DTWD2: variants seen among roughly 807,000 people sequenced by gnomAD.
DTWD2 encodes the protein DTW motif tRNA-uridine aminocarboxypropyltransferase 2.
In DTWD2, 39 loss-of-function variants were observed where a neutral mutation model predicts 31.8. The ratio of observed to expected loss-of-function variants is 1.22; its 90% CI spans 0.95 to 1.60. The LOEUF (loss-of-function observed/expected upper bound fraction) is 1.60. Ranked by LOEUF, DTWD2 falls within the 40% of genes most tolerant of loss-of-function variation. The probability of loss-of-function intolerance (pLI) is 0.00; values close to 1 mark genes in which losing one functional copy is unlikely to be tolerated. For synonymous variants in DTWD2, 180 were observed against 142.8 expected (o/e 1.26, Z -1.86); for missense variants, 515 against 381.5 (o/e 1.35, Z -2.92).
chr5:118,985,176 C>T (rs892424024), intron 1 of DTWD2, among the ~76,000 whole-genome samples: 2 of 152,062 alleles, frequency 1.3e-5, no homozygotes, highest in Non-Finnish European at 1.5e-5. Flanking sequence ...ATATTCTATA[C>T]ACTAAACTCT....
chr5:118,961,653 T>G (rs1208083928), intron 1 of DTWD2, among the ~76,000 whole-genome samples: 1 of 152,184 alleles, frequency 6.6e-6, no homozygotes, highest in Non-Finnish European at 1.5e-5. Flanking sequence ...TAAGCAGGAA[T>G]CAAAGATTAA....
At chr5:118,983,790 C>T (rs1331788138) in intron 1 of DTWD2, among the ~76,000 whole-genome samples, 1 of 152,188 alleles carries the variant, frequency 6.6e-6, no homozygotes, top group Admixed American at 6.5e-5. Flanking sequence ...GCTAGGGAAC[C>T]AAGTGGACTG....
chr5:118,844,862 A>G (rs1355370724), intron 5 of DTWD2, among the ~76,000 whole-genome samples: 1 of 152,200 alleles, frequency 6.6e-6, no homozygotes, highest in African/African-American at 2.4e-5. Flanking sequence ...TGGCAGGCAC[A>G]GTAGCTCAGA....
intron 1 of DTWD2, among the ~76,000 whole-genome samples, chr5:118,971,885 C>T (rs755700378): frequency 3.9e-5 from 6 of 152,094 alleles, no homozygotes; most frequent in East Asian, 1.9e-4. Flanking sequence ...TGATAAATTA[C>T]GAAATTAAGG....
intron 4 of DTWD2, among the ~76,000 whole-genome samples, chr5:118,922,929 C>A (rs2149576159): frequency 6.6e-6 from 1 of 152,234 alleles, no homozygotes; most frequent in African/African-American, 2.4e-5. Context: ...ATAAAACCAG[C>A]AGGTTATTTT....
At chr5:118,981,381 A>G (rs1426639108) in intron 1 of DTWD2, among the ~76,000 whole-genome samples, 1 of 152,222 alleles carries the variant, frequency 6.6e-6, no homozygotes, top group African/African-American at 2.4e-5. Flanking sequence ...TTTTGAAAAA[A>G]GAATTAGACT....
At chr5:118,926,351 G>C (rs1200555407) in intron 4 of DTWD2, among the ~76,000 whole-genome samples, 2 of 152,124 alleles carry the variant, frequency 1.3e-5, no homozygotes, top group Admixed American at 6.5e-5. Flanking sequence ...GCTAAGCTAT[G>C]AGGATGCAAA....
At chr5:118,911,679 A>G (rs1463935595) in intron 4 of DTWD2, among the ~76,000 whole-genome samples, 1 of 152,114 alleles carries the variant, frequency 6.6e-6, no homozygotes, top group African/African-American at 2.4e-5. Flanking sequence ...ACACATATAC[A>G]CACACACACA....
intron 3 of DTWD2, among the ~76,000 whole-genome samples, chr5:118,930,488 C>T (rs1753898738): frequency 6.6e-6 from 1 of 151,998 alleles, no homozygotes; most frequent in Non-Finnish European, 1.5e-5. Flanking sequence ...AACAACTTTT[C>T]TTAGATTCGT....
At position 118,838,605 on chromosome 5, in the gene DTWD2, A is replaced by G. The variant is rs1055796973; in HGVS notation, c.*2312T>C. 1 of 152,190 alleles carries G rather than the reference A, an allele frequency of 6.6e-6. No homozygotes were observed. The highest frequency in any genetic ancestry group is 2.4e-5 in the African/African-American group (1 of 41,456). 9.4% of individuals were successfully genotyped at this position (152,190 alleles called of 1,614,324 possible). A position where few individuals can be genotyped will look rare whatever the true frequency, so the allele number is the denominator to read the frequency against. Reference sequence around the variant, plus strand: ...AGAGAAGCATTTTATACCACAGATGATTAAATGGACTCACCTTGTTAAGAG... The same window carrying G: ...AGAGAAGCATTTTATACCACAGATGGTTAAATGGACTCACCTTGTTAAGAG... On this transcript the variant is annotated 3_prime_UTR_variant, in exon 6 of 6. Coordinates refer to ENST00000510708, the MANE Select transcript of DTWD2 (RefSeq NM_173666.4).
intron 4 of DTWD2, among the ~76,000 whole-genome samples, chr5:118,855,978 A>G (rs1752124796): frequency 6.6e-6 from 1 of 152,168 alleles, no homozygotes; most frequent in Non-Finnish European, 1.5e-5. Flanking sequence ...ACTAAAACTG[A>G]CATCCTTGAA....
intron 2 of DTWD2, 96 bp from the exon 3 acceptor site, chr5:118,939,386 T>C: frequency 9.3e-7 from 1 of 1,075,408 alleles, no homozygotes; most frequent in Non-Finnish European, 1.3e-6. Context: ...ACTTTATGCA[T>C]AACTTTCACA....
intron 4 of DTWD2, among the ~76,000 whole-genome samples, chr5:118,862,222 C>T (rs1752277599): frequency 6.6e-6 from 1 of 152,186 alleles, no homozygotes; most frequent in Non-Finnish European, 1.5e-5. Context: ...ATCCCAAAAC[C>T]ATCGCTCCAT....
intron 1 of DTWD2, among the ~76,000 whole-genome samples, chr5:118,980,477 C>T (rs1033578165): frequency 5.3e-5 from 8 of 152,202 alleles, no homozygotes; most frequent in Non-Finnish European, 1.0e-4. Context: ...GCTAACTTGT[C>T]CACTTGCAAT....
intron 1 of DTWD2, among the ~76,000 whole-genome samples, chr5:118,964,921 C>A (rs2149595074): frequency 6.6e-6 from 1 of 152,120 alleles, no homozygotes; most frequent in Non-Finnish European, 1.5e-5. Context: ...ATGTGAGGAG[C>A]CCCTCTGCCC....
intron 4 of DTWD2, among the ~76,000 whole-genome samples, chr5:118,882,861 C>T (rs1487424979): frequency 6.6e-6 from 1 of 152,236 alleles, no homozygotes; most frequent in East Asian, 1.9e-4. Context: ...CTGACATGCC[C>T]TGGAGACACT....
At chr5:118,908,541 G>A (rs1328143829) in intron 4 of DTWD2, among the ~76,000 whole-genome samples, 1 of 151,356 alleles carries the variant, frequency 6.6e-6, no homozygotes, top group Non-Finnish European at 1.5e-5. Flanking sequence ...ATATAGCCTA[G>A]AATAAATAAC....
intron 3 of DTWD2, among the ~76,000 whole-genome samples, chr5:118,930,884 T>C (rs1255427090): frequency 2.6e-5 from 4 of 152,132 alleles, no homozygotes; most frequent in South Asian, 2.1e-4. Context: ...ACGGAGGGCA[T>C]AGGGATAGGT....
chr5:118,948,418 T>G (rs939489726), intron 1 of DTWD2, among the ~76,000 whole-genome samples: 12 of 151,954 alleles, frequency 7.9e-5, no homozygotes, highest in African/African-American at 2.4e-4. Context: ...GAGGCGGAGC[T>G]TGCAGTGAGC....
Sources: gnomAD v4.1 joint callset for allele counts (sites outside exome capture counted in the v4.1 genomes callset) on GRCh38, gnomAD v4.1.1 for gene constraint, MANE v1.5 for transcripts, NCBI Gene and HGNC (gene_info 2026-07-23, HGNC 2026-07-21) for gene names.